Variants in CGGBP1 observed in about 807,000 individuals in gnomAD.
CGGBP1 encodes the protein CGG triplet repeat binding protein 1.
CGGBP1 carries 4 observed loss-of-function variants against 11.4 expected under a neutral mutation model. The observed-to-expected ratio is 0.35, with a 90% CI of 0.17 to 0.80. CGGBP1 has a LOEUF of 0.80. Ranked by LOEUF, CGGBP1 falls within the 30% of genes least tolerant of loss-of-function variation. The pLI, the probability that CGGBP1 is intolerant of heterozygous loss-of-function variation, is 0.52. For missense variants in CGGBP1, 135 were observed against 202.1 expected (o/e 0.67, Z 2.01); for synonymous variants, 76 against 74.1 (o/e 1.03, Z -0.13).
chr3:88,147,932 A>C (rs940957485), intron 1 of CGGBP1, among the ~76,000 whole-genome samples: 21 of 152,320 alleles, frequency 1.4e-4, no homozygotes, highest in Non-Finnish European at 2.5e-4. Context: ...TATCCTGCCC[A>C]AAATGTCAAC....
At position 88,132,913 on chromosome 3, in the gene CGGBP1, T is replaced by C. The variant is rs542530235; in HGVS notation, c.-229+8057A>G. On this transcript the variant is annotated intron_variant, in intron 2 of 3. Coordinates refer to the CGGBP1 transcript ENST00000462901. ...CATCTGTGCCTAAATAGGAAAACAT[T>C]TAGGGTGCAGTATGAGCTACATGAA... is the stretch of plus-strand genomic sequence containing the variant. Among the ~76,000 whole-genome samples, 15 of 152,252 alleles carry C rather than the reference T, an allele frequency of 9.9e-5. No homozygotes were observed. In the East Asian group the frequency reaches 2.9e-3, roughly 29 times the overall value.
rs551414611 is a variant in CGGBP1, at chr3:88,055,550, A to C, written c.427T>G (p.Ser143Ala). 1.3e-6 allele frequency: 2 copies of C among 1,599,864 alleles called. No homozygotes were observed. Among genetic ancestry groups the C allele is most frequent in the East Asian group, 4.5e-5 (2 of 44,570 alleles). Residue 143 changes from serine to alanine, a missense_variant, in exon 4 of 4, where the codon TCA (serine) becomes GCA (alanine). Ser to Ala is a moderately conservative substitution (Grantham distance 99). Transcript: ENST00000482016. This position sits in a 1 kb window ranked among gnomAD's most constrained non-coding sequence, Gnocchi z 4.2. Reference sequence around the variant, plus strand: ...AGATATGCCCTCCGTAGCTGGTCTGACTTAGGTATGGAGCCTCCATTCTTC... The same window carrying C: ...AGATATGCCCTCCGTAGCTGGTCTGCCTTAGGTATGGAGCCTCCATTCTTC... Reference protein sequence around the residue: ...HVKNGGSIPKSDQLRRAYLPD... With the variant: ...HVKNGGSIPKADQLRRAYLPD...
chr3:88,088,771 T>A (rs1319469117), intron 2 of CGGBP1, among the ~76,000 whole-genome samples: 1 of 151,538 alleles, frequency 6.6e-6, no homozygotes, highest in East Asian at 1.9e-4. Flanking sequence ...TATGGATGGA[T>A]GGATGGATGG....
At chr3:88,147,274 T>G (rs1049366210) in intron 1 of CGGBP1, among the ~76,000 whole-genome samples, 9 of 152,016 alleles carry the variant, frequency 5.9e-5, no homozygotes, top group South Asian at 4.2e-4. Flanking sequence ...AAGCATGGTG[T>G]TGGTGGTGAT....
chr3:88,079,359 C>A lies in CGGBP1; in HGVS notation c.-228-21136G>T, dbSNP rs1182567689. ...ATAGTTAAAATGGATGAAAGGATAG[C>A]AGATATTTAATCTAGGAAGAGACTA... On this transcript the variant is annotated intron_variant, in intron 2 of 3. Transcript: ENST00000462901. Among the ~76,000 whole-genome samples the A allele has an allele frequency of 5.3e-5, 8 of 151,994 alleles. No individual in the cohort carries two copies. The South Asian group carries it at 1.4e-3, about 28-fold the overall frequency.
intron 2 of CGGBP1, among the ~76,000 whole-genome samples, chr3:88,138,040 A>G (rs1706905229): frequency 6.6e-6 from 1 of 152,170 alleles, no homozygotes; most frequent in African/African-American, 2.4e-5. Flanking sequence ...TGATGCAATT[A>G]TCCTTGAGTC....
chr3:88,139,173 C>T lies in CGGBP1; in HGVS notation c.-229+1797G>A, dbSNP rs377007356. 266 of 1,392,652 alleles carry T rather than the reference C, an allele frequency of 1.9e-4. No individual in the cohort carries two copies. In the African/African-American group the frequency reaches 3.8e-3, roughly 20 times the overall value. The allele number at this position is 1,392,652 out of a possible 1,614,324, so 86.3% of individuals were successfully genotyped here. A position where few individuals can be genotyped will look rare whatever the true frequency, so the allele number is the denominator to read the frequency against. On this transcript the variant is annotated intron_variant, in intron 2 of 3. Transcript: ENST00000462901. ...AGGTTTGGATGAAGGGTTTGACTCT[C>T]TTACAGATCAGAGCACTGGAGAGAC...
At chr3:88,108,478 A>G (rs1704881799) in intron 2 of CGGBP1, among the ~76,000 whole-genome samples, 1 of 152,194 alleles carries the variant, frequency 6.6e-6, no homozygotes, top group Non-Finnish European at 1.5e-5. Context: ...TTTGTTACCC[A>G]TAGTCAACCA....
intron 2 of CGGBP1, among the ~76,000 whole-genome samples, chr3:88,103,604 CAGAAACT>C (rs1189325392): frequency 6.6e-6 from 1 of 151,800 alleles, no homozygotes; most frequent in Non-Finnish European, 1.5e-5. Context: ...GATCCAGCTA[CAGAAACT>C]AGAACACAAG....
chr3:88,077,523 G>GA (rs1238671968), intron 2 of CGGBP1, among the ~76,000 whole-genome samples: 1 of 151,784 alleles, frequency 6.6e-6, no homozygotes, highest in Non-Finnish European at 1.5e-5. Flanking sequence ...TTTTAGTAGA[G>GA]ACGGGGTTTC....
At position 88,054,354 on chromosome 3, in the gene CGGBP1, TG is replaced by T. The variant is rs1220844112; in HGVS notation, c.*1118del. On this transcript the variant is annotated 3_prime_UTR_variant, in exon 4 of 4. Transcript: ENST00000482016. ...ACAGAGATCATTTCCTGAACATGGC[TG>T]ATCTTTAAGAGAACAATTTCCTCAC... 2 of 152,276 alleles carry T rather than the reference TG, an allele frequency of 1.3e-5. No individual in the cohort carries two copies. Among genetic ancestry groups the T allele is most frequent in the Admixed American group, 6.5e-5 (1 of 15,286 alleles). The allele number at this position is 152,276 out of a possible 1,614,324, so 9.4% of individuals were successfully genotyped here.
intron 2 of CGGBP1, among the ~76,000 whole-genome samples, chr3:88,086,041 T>C (rs1708320839): frequency 6.6e-6 from 1 of 152,176 alleles, no homozygotes; most frequent in Non-Finnish European, 1.5e-5. Flanking sequence ...GTACAGACAT[T>C]CATACACTAT....
At chr3:88,086,434 A>G in intron 2 of CGGBP1, 2 of 1,432,088 alleles carry the variant, frequency 1.4e-6, no homozygotes, top group Non-Finnish European at 1.8e-6. Context: ...TAAATGCATT[A>G]TTTTTCTTGA....
intron 1 of CGGBP1, chr3:88,142,852 G>A (rs932359714): frequency 1.3e-5 from 2 of 152,180 alleles, no homozygotes; most frequent in Non-Finnish European, 3.0e-5. Context: ...CCTTAGTGAT[G>A]TTATTTTCCT....
chr3:88,108,190 G>C (rs1342622657), intron 2 of CGGBP1, among the ~76,000 whole-genome samples: 2 of 151,508 alleles, frequency 1.3e-5, no homozygotes, highest in Non-Finnish European at 2.9e-5. Flanking sequence ...TACATGAGAA[G>C]ATTTTCAAAG....
chr3:88,129,321 TAAAAAAAAAAAA>T (rs11370327), intron 2 of CGGBP1, among the ~76,000 whole-genome samples: 1 of 76,948 alleles, frequency 1.3e-5, no homozygotes, highest in Non-Finnish European at 2.4e-5. Flanking sequence ...TTGCCAGGAG[TAAAAAAAAAAAA>T]AAAAAAAAAA....
chr3:88,060,349 TCAAATATAA>T (rs1706796909), upstream of CGGBP1, among the ~76,000 whole-genome samples: 1 of 152,218 alleles, frequency 6.6e-6, no homozygotes. Flanking sequence ...GTGTTTGTAA[TCAAATATAA>T]CAAATATACC....
intron 2 of CGGBP1, chr3:88,113,077 CAAAG>C (rs1481754480): frequency 2.7e-5 from 37 of 1,347,722 alleles, no homozygotes; most frequent in East Asian, 1.5e-4. Flanking sequence ...GAGCAAAACT[CAAAG>C]AAGCAATGAA....
Position 88,072,275 on chromosome 3 carries a change from G to T in CGGBP1, c.-228-14052C>A, listed in dbSNP as rs13097271. On this transcript the variant is annotated intron_variant, in intron 2 of 3. Coordinates refer to the CGGBP1 transcript ENST00000462901. ...TTCTCCTGGATTATTTTATTTCCCT[G>T]TTGCCACCTTTCCTCACTTTCAGTT... 2.6e-4 allele frequency among the ~76,000 whole-genome samples: 39 copies of T among 152,250 alleles called. No individual in the cohort carries two copies. The East Asian group carries it at 7.1e-3, about 28-fold the overall frequency.
Sources: gnomAD v4.1 joint callset for allele counts (sites outside exome capture counted in the v4.1 genomes callset) on GRCh38, gnomAD v4.1.1 for gene constraint, Gnocchi (gnomAD v3.1) non-coding constraint, MANE v1.5 for transcripts, NCBI Gene and HGNC (gene_info 2026-07-23, HGNC 2026-07-21) for gene names.